Variants in C5orf22 observed in about 807,000 individuals in gnomAD.
The protein encoded by C5orf22 is chromosome 5 open reading frame 22.
C5orf22 carries 36 observed loss-of-function variants against 48.7 expected under a neutral mutation model. That is an observed-to-expected ratio of 0.74 (90% CI 0.57 to 0.98). The LOEUF (loss-of-function observed/expected upper bound fraction) is 0.98. C5orf22 is among the 50% of genes least tolerant of loss of function. C5orf22 has a pLI of 0.00. For missense variants in C5orf22, 486 were observed against 521.9 expected, an observed-to-expected ratio of 0.93 and a Z score of 0.67; for synonymous variants, 141 against 180.8, an observed-to-expected ratio of 0.78 and a Z score of 1.76.
rs1282420277 is a variant in C5orf22, at chr5:31,541,041, A to G, written c.870+30A>G. 3 of 1,534,440 alleles carry G rather than the reference A, an allele frequency of 2.0e-6. No individual in the cohort carries two copies. The African/African-American group carries it at 4.1e-5, about 21-fold the overall frequency. On this transcript the variant is annotated intron_variant, in intron 5 of 8. Transcript: ENST00000325366. ...CCTCCATTTGTTTCTTTGGGGTTTT[A>G]TTCATTTATCATATAACTAATAATA...
At chr5:31,551,474 A>C in intron 8 of C5orf22, 42 bp downstream of exon 8, 1 of 1,475,264 alleles carries the variant, frequency 6.8e-7, no homozygotes, top group South Asian at 1.2e-5. Flanking sequence ...AGAGATGTGC[A>C]CATCCTAATC....
intron 7 of C5orf22, among the ~76,000 whole-genome samples, chr5:31,549,996 G>C (rs564738363): frequency 6.6e-6 from 1 of 151,944 alleles, no homozygotes. Flanking sequence ...GATGTTTTTT[G>C]GGGGGCAGGG....
intron 7 of C5orf22, among the ~76,000 whole-genome samples, chr5:31,547,537 C>T (rs1213537340): frequency 2.0e-5 from 3 of 152,276 alleles, no homozygotes; most frequent in African/African-American, 7.2e-5. Context: ...GCCTGGGCAT[C>T]CAGGTGTTTC....
chr5:31,541,069 T>A, intron 5 of C5orf22, 58 bp downstream of exon 5: 1 of 1,372,960 alleles, frequency 7.3e-7, no homozygotes. Flanking sequence ...TAATAATATC[T>A]TGCAAATTAC....
In C5orf22 at chr5:31,553,152, T is replaced by TG; in HGVS notation, c.*251dup. 6.8e-6 allele frequency: 2 copies of TG among 296,056 alleles called. No individual in the cohort carries two copies. The highest frequency in any genetic ancestry group is 1.3e-5 in the Non-Finnish European group (2 of 158,132). 18.3% of individuals were successfully genotyped at this position (296,056 alleles called of 1,614,324 possible). On this transcript the variant is annotated 3_prime_UTR_variant, in exon 9 of 9. Coordinates refer to ENST00000325366, the MANE Select transcript of C5orf22 (RefSeq NM_018356.3). ...CTTCCTTAAGTATTTTTTAGGGTTT[T>TG]GTTTTTTTTTTTGTTTGTTTGTTTG...
At chr5:31,535,413 A>G (rs1277309842) in intron 2 of C5orf22, among the ~76,000 whole-genome samples, 1 of 152,154 alleles carries the variant, frequency 6.6e-6, no homozygotes, top group Non-Finnish European at 1.5e-5. Context: ...ACACTTTTAT[A>G]TTTATTTATT....
chr5:31,538,740 C>G, intron 4 of C5orf22, 51 bp downstream of exon 4: 2 of 1,385,864 alleles, frequency 1.4e-6, no homozygotes, highest in South Asian at 2.7e-5. Flanking sequence ...TATGGCTTTT[C>G]TCTAGATGAG....
rs1743506699 is a variant in C5orf22, at chr5:31,554,953, C to G, written c.*2051C>G. 6.6e-6 allele frequency: 1 copy of G among 152,142 alleles called. No individual in the cohort carries two copies. The highest frequency in any genetic ancestry group is 1.5e-5 in the Non-Finnish European group (1 of 68,026). The allele number at this position is 152,142 out of a possible 1,614,324, so 9.4% of individuals were successfully genotyped here. Reference sequence around the variant, plus strand: ...GTATTTACTTTATCAAGATGTGTTTCATTTGTGTTCTGAGTACCAGTGAGG... The same window carrying G: ...GTATTTACTTTATCAAGATGTGTTTGATTTGTGTTCTGAGTACCAGTGAGG... On this transcript the variant is annotated 3_prime_UTR_variant, in exon 9 of 9. Coordinates refer to ENST00000325366, the MANE Select transcript of C5orf22 (RefSeq NM_018356.3).
rs1051755234 is a variant in C5orf22 at position 31,554,557 on chromosome 5, G to C, written c.*1655G>C. The C allele has an allele frequency of 3.3e-5, 5 of 152,174 alleles. No individual in the cohort carries two copies. Among genetic ancestry groups the C allele is most frequent in the African/African-American group, 1.2e-4 (5 of 41,450 alleles). 9.4% of individuals were successfully genotyped at this position (152,174 alleles called of 1,614,324 possible). A position where few individuals can be genotyped will look rare whatever the true frequency, so the allele number is the denominator to read the frequency against. On this transcript the variant is annotated 3_prime_UTR_variant, in exon 9 of 9. Coordinates refer to ENST00000325366, the MANE Select transcript of C5orf22 (RefSeq NM_018356.3). ...TTTTCTTGGTAAAATCAGAATTGTA[G>C]AATTGTGCTATTTTTAATTTTTAAA...
chr5:31,535,714 T>A, intron 2 of C5orf22, 30 bp from the exon 3 acceptor site: 1 of 1,525,502 alleles, frequency 6.6e-7, no homozygotes, highest in South Asian at 1.2e-5. Flanking sequence ...AAATAAAAGT[T>A]TTAATGTTGT....
chr5:31,540,928 A>AT, intron 4 of C5orf22, 21 bp from the exon 5 acceptor site: 2 of 1,584,906 alleles, frequency 1.3e-6, no homozygotes, highest in African/African-American at 1.4e-5. Flanking sequence ...TGGTATGTGG[A>AT]TTTTTTGTTT....
At chr5:31,533,891 C>A (rs1012109783) in intron 1 of C5orf22, among the ~76,000 whole-genome samples, 2 of 152,092 alleles carry the variant, frequency 1.3e-5, no homozygotes, top group East Asian at 3.9e-4. Context: ...AACTGACAAG[C>A]CCCTATCCCT....
intron 7 of C5orf22, among the ~76,000 whole-genome samples, chr5:31,547,093 A>G (rs907944899): frequency 6.6e-6 from 1 of 152,230 alleles, no homozygotes; most frequent in Non-Finnish European, 1.5e-5. Flanking sequence ...GAATTGGGTA[A>G]ATACAACCGT....
rs1405456059 is a variant in C5orf22 at position 31,541,002 on chromosome 5, C to G, written c.861C>G (p.Asn287Lys). 1 of 1,609,546 alleles carries G rather than the reference C, an allele frequency of 6.2e-7. No homozygotes were observed. Among genetic ancestry groups the G allele is most frequent in the South Asian group, 1.1e-5 (1 of 90,846 alleles). ...ACCAATTTAAGAAACCTGGCACCAA[C>G]CTAACAGAGGTATCCTCCATTTGTT... is the stretch of plus-strand genomic sequence containing the variant. Reference protein sequence around the residue: ...ELYQFKKPGTNLTEEDLVDIV... With the variant: ...ELYQFKKPGTKLTEEDLVDIV... Residue 287 changes from asparagine (N) to lysine (K), a missense_variant, in exon 5 of 9, where the codon AAC becomes AAG. This residue lies in a region of C5orf22 where 408 missense variants were observed against 444.0 expected (regional missense o/e 0.92). Coordinates refer to ENST00000325366, the MANE Select transcript of C5orf22 (RefSeq NM_018356.3).
rs184057842 is a variant in C5orf22 at position 31,549,134 on chromosome 5, G to A, written c.1060-2159G>A. 1.9e-3 allele frequency among the ~76,000 whole-genome samples: 288 copies of A among 152,262 alleles called. 2 individuals carry two copies. The highest frequency in any genetic ancestry group is 6.7e-3 in the African/African-American group (277 of 41,552). ...CTCGGGAGGCTGAGGCAAGAGAATC[G>A]CTTGAACCCAGGAGGTGGAGTTTGC... On this transcript the variant is annotated intron_variant, in intron 7 of 8. Coordinates refer to ENST00000325366, the MANE Select transcript of C5orf22 (RefSeq NM_018356.3).
At chr5:31,540,853 G>T (rs770511617) in intron 4 of C5orf22, 96 bp from the exon 5 acceptor site, 2 of 833,452 alleles carry the variant, frequency 2.4e-6, no homozygotes, top group South Asian at 3.0e-5. Context: ...AGATGTTCTT[G>T]TATCACAAGG....
chr5:31,548,962 G>A (rs911577583), intron 7 of C5orf22, among the ~76,000 whole-genome samples: 39 of 152,180 alleles, frequency 2.6e-4, no homozygotes, highest in African/African-American at 9.2e-4. Flanking sequence ...GCTCACATCT[G>A]TAATCCCAGC....
chr5:31,543,292 G>C (rs1742583115), intron 6 of C5orf22, among the ~76,000 whole-genome samples: 1 of 152,212 alleles, frequency 6.6e-6, no homozygotes, highest in Non-Finnish European at 1.5e-5. Context: ...TAATGGCCGG[G>C]CGTGGTGGCT....
In C5orf22 at chr5:31,553,691, A is replaced by T. The variant is rs1561334541; in HGVS notation, c.*789A>T. 1 of 152,222 alleles carries T rather than the reference A, an allele frequency of 6.6e-6. No homozygotes were observed. Among genetic ancestry groups the T allele is most frequent in the East Asian group, 1.9e-4 (1 of 5,196 alleles). The allele number at this position is 152,222 out of a possible 1,614,324, so 9.4% of individuals were successfully genotyped here. On this transcript the variant is annotated 3_prime_UTR_variant, in exon 9 of 9. Transcript: ENST00000325366. ...GTATCATAGGAAGTCTACCTTTCCA[A>T]GGAATTTGGCATTGTGGCCCTGCTC...
Sources: allele counts gnomAD v4.1 joint callset (sites outside exome capture counted in the v4.1 genomes callset), GRCh38; gene constraint gnomAD v4.1.1; regional missense constraint gnomAD v4.1.1; transcripts MANE v1.5; gene names NCBI Gene and HGNC (gene_info 2026-07-23, HGNC 2026-07-21).